Variants in EVC2 observed in about 807,000 individuals in gnomAD.
The protein encoded by EVC2 is EvC ciliary complex subunit 2, also known as limbin.
A neutral mutation model predicts 149.3 loss-of-function variants in EVC2; 148 were observed. The ratio of observed to expected loss-of-function variants is 0.99; its 90% CI spans 0.87 to 1.14. The LOEUF (loss-of-function observed/expected upper bound fraction) is 1.14. Ranked by LOEUF, EVC2 falls within the 50% of genes most tolerant of loss-of-function variation. The pLI is 0.00. For missense variants in EVC2, 1,854 were observed against 1,627.3 expected (o/e 1.14, Z -2.40); for synonymous variants, 776 against 649.9 (o/e 1.19, Z -2.95).
chr4:5,697,838 T>G (rs549579469), intron 1 of EVC2, among the ~76,000 whole-genome samples, 191 bp from the exon 2 acceptor site: 1 of 151,526 alleles, frequency 6.6e-6, no homozygotes, highest in African/African-American at 2.4e-5. Flanking sequence ...CTCCACCTCC[T>G]AGGTTCACGC....
chr4:5,638,529 A>G (rs1045987273), intron 10 of EVC2, among the ~76,000 whole-genome samples: 1 of 152,154 alleles, frequency 6.6e-6, no homozygotes, highest in Non-Finnish European at 1.5e-5. Flanking sequence ...TGGGATGTTG[A>G]GCAGCACAGT....
chr4:5,708,883 A>G (rs1245606661), upstream of EVC2: 2 of 192,322 alleles, frequency 1.0e-5, no homozygotes, highest in African/African-American at 4.6e-5. Context: ...GTTTCCTGAC[A>G]CACGGATGTG....
At chr4:5,639,662 G>C (rs1156729634) in intron 10 of EVC2, among the ~76,000 whole-genome samples, 2 of 152,228 alleles carry the variant, frequency 1.3e-5, no homozygotes, top group Admixed American at 1.3e-4. Flanking sequence ...TCTGACTCTA[G>C]AGCCTGTGCT....
At chr4:5,596,232 A>G (rs1403096211) in intron 16 of EVC2, among the ~76,000 whole-genome samples, 2 of 152,238 alleles carry the variant, frequency 1.3e-5, no homozygotes, top group East Asian at 3.8e-4. Context: ...ACAGACATCT[A>G]CAGAACTCTC....
At chr4:5,708,197 A>G (rs1170804434) in intron 1 of EVC2, 89 bp downstream of exon 1, 1 of 1,184,788 alleles carries the variant, frequency 8.4e-7, no homozygotes, top group African/African-American at 1.6e-5. Flanking sequence ...ATTCTTTGCG[A>G]AATACTAAGG....
Position 5,574,759 on chromosome 4 carries a change from G to C in EVC2, c.3286C>G (p.Gln1096Glu). 1.2e-6 allele frequency: 2 copies of C among 1,614,140 alleles called. No homozygotes were observed. Among genetic ancestry groups the C allele is most frequent in the South Asian group, 2.2e-5 (2 of 91,080 alleles). ...EQHQQCLREE[Q>E]QNSVVLEDLL... is the part of the protein sequence containing the mutation. The stretch of plus-strand genomic sequence containing the variant: ...TCTTCTAGCACGACACTGTTCTGTT[G>C]TTCCTCTCTCAAACTGGAGTGAAAA... Residue 1096 changes from glutamine (Q) to glutamate (E), a missense_variant, in exon 19 of 22, where the codon CAA becomes GAA. By Grantham distance (29) the Gln-to-Glu change is conservative. Coordinates refer to ENST00000344408, the MANE Select transcript of EVC2 (RefSeq NM_147127.5).
At chr4:5,685,063 C>T (rs1171035814) in intron 6 of EVC2, among the ~76,000 whole-genome samples, 8 of 152,156 alleles carry the variant, frequency 5.3e-5, no homozygotes, top group South Asian at 2.1e-4. Flanking sequence ...TGGTAACTAC[C>T]GGTTAGTTGC....
chr4:5,641,079 T>C (rs114025234), intron 9 of EVC2, among the ~76,000 whole-genome samples: 5 of 152,178 alleles, frequency 3.3e-5, no homozygotes, highest in African/African-American at 1.2e-4. Flanking sequence ...ATATAAGACA[T>C]GTTTCTGTCA....
rs1236561123 is a variant in EVC2, at chr4:5,636,892, G to C, written c.1470+3622C>G. Among the ~76,000 whole-genome samples, 3 of 152,200 alleles carry C rather than the reference G, an allele frequency of 2.0e-5. No homozygotes were observed. In the East Asian group the frequency reaches 5.8e-4, roughly 29 times the overall value. ...GTGGTTTTGTGAGATGGAATCACTT[G>C]CATGGACTGGAAGGAAACTAGTTCT... is the stretch of plus-strand genomic sequence containing the variant. On this transcript the variant is annotated intron_variant, in intron 10 of 21. Coordinates refer to ENST00000344408, the MANE Select transcript of EVC2 (RefSeq NM_147127.5). The surrounding 1 kb of genome is among the most constrained non-coding windows in gnomAD (Gnocchi z 4.6).
chr4:5,551,792 C>G (rs531815093), intron 21 of EVC2, among the ~76,000 whole-genome samples: 1 of 152,106 alleles, frequency 6.6e-6, no homozygotes, highest in South Asian at 2.1e-4. Flanking sequence ...TCATGGGGGC[C>G]GGTCTTTCCC....
chr4:5,626,262 C>A (rs1269460544), intron 12 of EVC2, among the ~76,000 whole-genome samples: 3 of 151,418 alleles, frequency 2.0e-5, no homozygotes, highest in African/African-American at 7.3e-5. Flanking sequence ...GAGGCAAAGG[C>A]AGGGAATACT....
At chr4:5,692,886 AAAAAG>A (rs1289312290) in intron 3 of EVC2, among the ~76,000 whole-genome samples, 2 of 136,188 alleles carry the variant, frequency 1.5e-5, no homozygotes, top group East Asian at 2.1e-4. Flanking sequence ...AAAAAAAAAA[AAAAAG>A]AAAAAAGAAA....
chr4:5,665,655 G>T lies in EVC2; in HGVS notation c.871-6C>A, dbSNP rs1211211906. 5 of 1,613,904 alleles carry T rather than the reference G, an allele frequency of 3.1e-6. No individual in the cohort carries two copies. The East Asian group carries it at 1.1e-4, about 36-fold the overall frequency. On this transcript the variant is annotated splice_polypyrimidine_tract_variant and splice_region_variant and intron_variant, in intron 7 of 21. Coordinates refer to ENST00000344408, the MANE Select transcript of EVC2 (RefSeq NM_147127.5). Reference sequence around the variant, plus strand: ...AGGCCGTGGTGCGGCAGAACCTGTGGAGACAAGAGGAGAGCAGGATTCATG... The same window carrying T: ...AGGCCGTGGTGCGGCAGAACCTGTGTAGACAAGAGGAGAGCAGGATTCATG...
chr4:5,695,465 A>G (rs1333299128), intron 2 of EVC2, among the ~76,000 whole-genome samples: 4 of 152,242 alleles, frequency 2.6e-5, no homozygotes, highest in Admixed American at 2.6e-4. Context: ...GTCACTTAAA[A>G]GGTCCGGGCT....
chr4:5,547,539 C>G (rs777320975), intron 21 of EVC2, among the ~76,000 whole-genome samples: 11 of 152,196 alleles, frequency 7.2e-5, no homozygotes, highest in African/African-American at 2.4e-4. Flanking sequence ...CATGGACCAA[C>G]TGGCATACAC....
At chr4:5,529,406 A>G in the EVC2 span, among the ~76,000 whole-genome samples, 5 of 152,168 alleles carry the variant, frequency 3.3e-5, no homozygotes, top group South Asian at 2.1e-4. The surrounding 1 kb of genome is among the most constrained non-coding windows in gnomAD (Gnocchi z 4.5). Flanking sequence ...ATATAATTCA[A>G]TTCGCTTTTT....
chr4:5,640,939 G>A lies in EVC2; in HGVS notation c.1146-101C>T. ...GGTTTTCATTTATGTGTAGGCAAGGGCTTTCTTCGTCTTCCTTTTCTTCCT... is the reference window on the plus strand; with the variant it reads ...GGTTTTCATTTATGTGTAGGCAAGGACTTTCTTCGTCTTCCTTTTCTTCCT... On this transcript the variant is annotated intron_variant, in intron 9 of 21. Transcript: ENST00000344408. This position sits in a 1 kb window ranked among gnomAD's most constrained non-coding sequence, Gnocchi z 4.6. 1.5e-6 allele frequency: 2 copies of A among 1,356,766 alleles called. No individual in the cohort carries two copies. The highest frequency in any genetic ancestry group is 1.2e-5 in the South Asian group (1 of 84,658). The allele number at this position is 1,356,766 out of a possible 1,614,324, so 84.0% of individuals were successfully genotyped here. A position where few individuals can be genotyped will look rare whatever the true frequency, so the allele number is the denominator to read the frequency against.
the EVC2 span, among the ~76,000 whole-genome samples, chr4:5,530,418 A>T: frequency 6.6e-6 from 1 of 152,102 alleles, no homozygotes; most frequent in African/African-American, 2.4e-5. Context: ...TTGTTTATTT[A>T]TTATTGTATC....
intron 9 of EVC2, among the ~76,000 whole-genome samples, chr4:5,644,303 T>C (rs894624643): frequency 2.0e-5 from 3 of 152,182 alleles, no homozygotes; most frequent in Non-Finnish European, 4.4e-5. Context: ...TACCATCTTT[T>C]ATTTTATTTA....
Sources: gnomAD v4.1 joint callset for allele counts (sites outside exome capture counted in the v4.1 genomes callset) on GRCh38, gnomAD v4.1.1 for gene constraint, Gnocchi (gnomAD v3.1) non-coding constraint, MANE v1.5 for transcripts, NCBI Gene and HGNC (gene_info 2026-07-23, HGNC 2026-07-21) for gene names.